The following KHDRBS2 variants were observed in gnomAD, a reference collection of about 807,000 sequenced individuals.
KHDRBS2 encodes the protein KH RNA binding domain containing, signal transduction associated 2.
In KHDRBS2, 26 loss-of-function variants were observed where a neutral mutation model predicts 44.3. That is an observed-to-expected ratio of 0.59 (90% CI 0.43 to 0.81). KHDRBS2 has a LOEUF of 0.81. Ranked by LOEUF, KHDRBS2 falls within the 40% of genes least tolerant of loss-of-function variation. KHDRBS2 has a pLI of 0.00. For synonymous variants in KHDRBS2, 194 were observed against 151.1 expected, an observed-to-expected ratio of 1.28 and a Z score of -2.08; for missense variants, 476 against 433.1, an observed-to-expected ratio of 1.10 and a Z score of -0.88.
intron 4 of KHDRBS2, among the ~76,000 whole-genome samples, chr6:61,929,301 T>C (rs746290908): frequency 1.2e-4 from 19 of 152,212 alleles, no homozygotes; most frequent in East Asian, 3.8e-4. Context: ...GGTTGTACTA[T>C]AGTAGTAAAG....
intron 2 of KHDRBS2, among the ~76,000 whole-genome samples, chr6:62,084,160 A>C (rs1797966270): frequency 6.6e-6 from 1 of 152,110 alleles, no homozygotes; most frequent in Non-Finnish European, 1.5e-5. Context: ...CTTCCTGTCT[A>C]CCTTTGGTAT....
At chr6:61,887,027 T>G (rs533246389) in intron 6 of KHDRBS2, among the ~76,000 whole-genome samples, 1 of 152,166 alleles carries the variant, frequency 6.6e-6, no homozygotes, top group Non-Finnish European at 1.5e-5. Context: ...TGTGTGAAAC[T>G]GTGTGAGTTC....
At chr6:62,239,003 A>G (rs1834152300) in intron 1 of KHDRBS2, among the ~76,000 whole-genome samples, 1 of 152,184 alleles carries the variant, frequency 6.6e-6, no homozygotes, top group African/African-American at 2.4e-5. Flanking sequence ...AAAGAATTCA[A>G]TGTTATGAAA....
At chr6:61,830,431 A>T (rs1272231527) in intron 6 of KHDRBS2, among the ~76,000 whole-genome samples, 4 of 152,202 alleles carry the variant, frequency 2.6e-5, no homozygotes, top group Non-Finnish European at 5.9e-5. Flanking sequence ...AGAAAATTGG[A>T]AAATATAATT....
chr6:61,870,838 G>C lies in KHDRBS2; in HGVS notation c.810+23797C>G, dbSNP rs572752507. On this transcript the variant is annotated intron_variant, in intron 6 of 8. Coordinates refer to ENST00000281156, the MANE Select transcript of KHDRBS2 (RefSeq NM_152688.4). Reference sequence around the variant, plus strand: ...GAAAGAAATAGCACATCCACTCAGAGACCCCAACCAAAAGTCACCAACATC... The same window carrying C: ...GAAAGAAATAGCACATCCACTCAGACACCCCAACCAAAAGTCACCAACATC... Among the ~76,000 whole-genome samples, 3 of 152,120 alleles carry C rather than the reference G, an allele frequency of 2.0e-5. No individual in the cohort carries two copies. The South Asian group carries it at 6.2e-4, about 32-fold the overall frequency.
the KHDRBS2 span, among the ~76,000 whole-genome samples, chr6:61,595,177 C>T: frequency 5.3e-5 from 8 of 151,992 alleles, no homozygotes; most frequent in Non-Finnish European, 1.2e-4. Flanking sequence ...GCTATTAAGC[C>T]TCAACCTAAA....
At chr6:61,992,699 A>T (rs1776366661) in intron 3 of KHDRBS2, among the ~76,000 whole-genome samples, 1 of 152,212 alleles carries the variant, frequency 6.6e-6, no homozygotes, top group Non-Finnish European at 1.5e-5. Context: ...TAAATGGTTA[A>T]GAACATGTAT....
the KHDRBS2 span, among the ~76,000 whole-genome samples, chr6:61,633,092 C>G: frequency 6.6e-6 from 1 of 152,016 alleles, no homozygotes; most frequent in South Asian, 2.1e-4. Context: ...GACCCATTTA[C>G]AGAAGCAGAA....
intron 1 of KHDRBS2, among the ~76,000 whole-genome samples, chr6:62,277,429 C>A (rs989010180): frequency 2.6e-5 from 4 of 152,122 alleles, no homozygotes; most frequent in Non-Finnish European, 5.9e-5. Flanking sequence ...GCAACCTCCA[C>A]CTCCCGGGTT....
At chr6:62,178,757 T>TA in intron 1 of KHDRBS2, among the ~76,000 whole-genome samples, 1 of 151,706 alleles carries the variant, frequency 6.6e-6, no homozygotes, top group Non-Finnish European at 1.5e-5. Context: ...ACATAATCAG[T>TA]AAATATTTCT....
At chr6:61,644,562 A>G in the KHDRBS2 span, among the ~76,000 whole-genome samples, 4 of 152,148 alleles carry the variant, frequency 2.6e-5, no homozygotes, top group Non-Finnish European at 5.9e-5. Context: ...TTGTGCTCTG[A>G]CAAAGGTCTA....
chr6:61,652,667 G>A, the KHDRBS2 span, among the ~76,000 whole-genome samples: 1 of 151,952 alleles, frequency 6.6e-6, no homozygotes, highest in African/African-American at 2.4e-5. Context: ...AGTGGCAAAG[G>A]GGACTTGAAC....
the KHDRBS2 span, among the ~76,000 whole-genome samples, chr6:61,599,633 G>A: frequency 6.6e-6 from 1 of 152,132 alleles, no homozygotes; most frequent in African/African-American, 2.4e-5. Flanking sequence ...ACACCCAGTA[G>A]GCCCTCCTAG....
In KHDRBS2 at chr6:62,126,263, A is replaced by G. The variant is rs575365886; in HGVS notation, c.219+50922T>C. 4.2e-4 allele frequency among the ~76,000 whole-genome samples: 64 copies of G among 152,266 alleles called. 2 individuals carry two copies. In the South Asian group the frequency reaches 0.013, roughly 31 times the overall value. ...CGTGGGGAGAGATTCCATTTCTTAT[A>G]TGAAAAAAGGAGGGAAATGTGGGCA... On this transcript the variant is annotated intron_variant, in intron 2 of 8. Coordinates refer to ENST00000281156, the MANE Select transcript of KHDRBS2 (RefSeq NM_152688.4).
At chr6:62,172,711 A>C (rs1427705933) in intron 2 of KHDRBS2, among the ~76,000 whole-genome samples, 1 of 151,140 alleles carries the variant, frequency 6.6e-6, no homozygotes, top group Non-Finnish European at 1.5e-5. Context: ...AAAAAAAAAA[A>C]AAAAAAAACC....
At chr6:61,737,338 A>T (rs573950599) in intron 6 of KHDRBS2, among the ~76,000 whole-genome samples, 28 of 152,258 alleles carry the variant, frequency 1.8e-4, no homozygotes, top group Non-Finnish European at 2.8e-4. Flanking sequence ...TAAAAGGGAC[A>T]GTAAATGGGC....
In KHDRBS2 at chr6:62,125,420, C is replaced by T. The variant is rs76058518; in HGVS notation, c.219+51765G>A. ...CAGTGAACCTGAAAAGTAGTCTATG[C>T]CACCAGCCCTGAAATTTCTGGGCAA... On this transcript the variant is annotated intron_variant, in intron 2 of 8. Transcript: ENST00000281156. 7.4e-3 allele frequency among the ~76,000 whole-genome samples: 1,125 copies of T among 152,220 alleles called. 8 individuals carry two copies. The highest frequency in any genetic ancestry group is 0.011 in the Non-Finnish European group (751 of 68,010).
chr6:61,951,458 C>T (rs191457174), intron 4 of KHDRBS2, among the ~76,000 whole-genome samples: 1 of 151,926 alleles, frequency 6.6e-6, no homozygotes, highest in Non-Finnish European at 1.5e-5. Flanking sequence ...TAGTATTGTA[C>T]CAGAAATTCT....
At chr6:62,104,321 T>C (rs1802623868) in intron 2 of KHDRBS2, among the ~76,000 whole-genome samples, 1 of 152,218 alleles carries the variant, frequency 6.6e-6, no homozygotes, top group Non-Finnish European at 1.5e-5. Context: ...CTTTAAGTTT[T>C]AGGGTACATG....
Sources: allele counts gnomAD v4.1 joint callset (sites outside exome capture counted in the v4.1 genomes callset), GRCh38; gene constraint gnomAD v4.1.1; transcripts MANE v1.5; gene names NCBI Gene and HGNC (gene_info 2026-07-23, HGNC 2026-07-21).